Variants in PLCB1 observed in about 807,000 individuals in gnomAD.
PLCB1 encodes phospholipase C beta 1.
In PLCB1, 46 loss-of-function variants were observed where a neutral mutation model predicts 161.8. The ratio of observed to expected loss-of-function variants is 0.28; its 90% CI spans 0.22 to 0.36. PLCB1 has a LOEUF of 0.36. Among genes scored for constraint, PLCB1 ranks in the 10% least tolerant of loss-of-function variants. PLCB1 has a pLI of 1.00. For missense variants in PLCB1, 1,016 were observed against 1,472.5 expected (o/e 0.69, Z 5.07); for synonymous variants, 517 against 503.7 (o/e 1.03, Z -0.35).
intron 3 of PLCB1, among the ~76,000 whole-genome samples, chr20:8,534,966 A>G (rs2122930620): frequency 6.6e-6 from 1 of 152,130 alleles, no homozygotes; most frequent in East Asian, 1.9e-4. Flanking sequence ...GAATTTAAAT[A>G]TAGATTTTCC....
At chr20:8,276,077 G>A (rs1982529791) in intron 2 of PLCB1, among the ~76,000 whole-genome samples, 1 of 152,056 alleles carries the variant, frequency 6.6e-6, no homozygotes, top group African/African-American at 2.4e-5. Flanking sequence ...AAGATGCACT[G>A]TCAAGATTAT....
intron 9 of PLCB1, among the ~76,000 whole-genome samples, chr20:8,678,125 A>G (rs1369602522): frequency 6.6e-6 from 1 of 152,206 alleles, no homozygotes; most frequent in African/African-American, 2.4e-5. Flanking sequence ...ATATATGCAA[A>G]AAATTAAGCA....
At chr20:8,152,783 C>G (rs1195370619) in intron 2 of PLCB1, among the ~76,000 whole-genome samples, 1 of 152,048 alleles carries the variant, frequency 6.6e-6, no homozygotes, top group Non-Finnish European at 1.5e-5. Context: ...CTTTGGTCCA[C>G]GAAGCTTATA....
At chr20:8,151,012 A>T (rs920244167) in intron 2 of PLCB1, among the ~76,000 whole-genome samples, 18 of 152,194 alleles carry the variant, frequency 1.2e-4, no homozygotes, top group Admixed American at 1.0e-3. Flanking sequence ...TGCTGATCAT[A>T]AGATTTATTT....
At chr20:8,315,070 A>T (rs1241990270) in intron 2 of PLCB1, among the ~76,000 whole-genome samples, 8 of 152,170 alleles carry the variant, frequency 5.3e-5, no homozygotes, top group Non-Finnish European at 8.8e-5. Flanking sequence ...AGTGGGGGAG[A>T]GCAAGGCAAG....
intron 31 of PLCB1, among the ~76,000 whole-genome samples, chr20:8,806,489 C>T (rs1242681335): frequency 1.3e-5 from 2 of 152,062 alleles, no homozygotes; most frequent in African/African-American, 4.8e-5. Context: ...CCTCTACTTG[C>T]AAGCCATTCG....
chr20:8,347,775 AT>A (rs994210998), intron 2 of PLCB1, among the ~76,000 whole-genome samples: 9 of 152,266 alleles, frequency 5.9e-5, no homozygotes, highest in African/African-American at 2.2e-4. Context: ...AAGATGATGA[AT>A]TTTTTAAGTT....
At chr20:8,665,639 G>A (rs1336175146) in intron 9 of PLCB1, among the ~76,000 whole-genome samples, 2 of 152,096 alleles carry the variant, frequency 1.3e-5, no homozygotes, top group African/African-American at 2.4e-5. Flanking sequence ...AGTCATAAGT[G>A]TAAGGATGTA....
intron 2 of PLCB1, among the ~76,000 whole-genome samples, chr20:8,178,383 T>C (rs945733855): frequency 2.0e-5 from 3 of 152,170 alleles, no homozygotes; most frequent in Non-Finnish European, 4.4e-5. Flanking sequence ...GATTGGCATT[T>C]CTCTCATGAT....
intron 2 of PLCB1, among the ~76,000 whole-genome samples, chr20:8,189,548 GA>G (rs2051943312): frequency 6.6e-6 from 1 of 151,916 alleles, no homozygotes; most frequent in South Asian, 2.1e-4. Context: ...TTCTACACCT[GA>G]AATGTAGGCG....
intron 2 of PLCB1, among the ~76,000 whole-genome samples, chr20:8,360,322 G>C (rs1042590470): frequency 6.6e-6 from 1 of 152,010 alleles, no homozygotes; most frequent in Non-Finnish European, 1.5e-5. Context: ...GCTGGGGGAT[G>C]GGTGTCTAGC....
intron 3 of PLCB1, among the ~76,000 whole-genome samples, chr20:8,484,639 G>T (rs1208854204): frequency 6.6e-6 from 1 of 152,240 alleles, no homozygotes; most frequent in South Asian, 2.1e-4. Flanking sequence ...ATGAGCCACC[G>T]GCCTGCTAGC....
At chr20:8,671,022 G>A (rs914351137) in intron 9 of PLCB1, among the ~76,000 whole-genome samples, 1 of 152,186 alleles carries the variant, frequency 6.6e-6, no homozygotes, top group Non-Finnish European at 1.5e-5. Context: ...TGAAGATTGA[G>A]CAATGATGAA....
chr20:8,651,770 A>G (rs1004364803), intron 7 of PLCB1: 5 of 384,562 alleles, frequency 1.3e-5, no homozygotes, highest in African/African-American at 4.1e-5. Context: ...CTGGAGAACT[A>G]CTATTGAGAA....
intron 1 of PLCB1, among the ~76,000 whole-genome samples, chr20:8,147,630 A>G (rs2051466707): frequency 6.6e-6 from 1 of 152,204 alleles, no homozygotes. Context: ...CCTACTTTGC[A>G]TGGCAAGAAT....
chr20:8,601,953 C>G (rs557887327), intron 3 of PLCB1, among the ~76,000 whole-genome samples: 1 of 152,288 alleles, frequency 6.6e-6, no homozygotes, highest in South Asian at 2.1e-4. Context: ...CTTTCCCTCC[C>G]TTGCAGCACC....
chr20:8,761,979 G>GGGA (rs1055479071), intron 25 of PLCB1, among the ~76,000 whole-genome samples: 1 of 151,652 alleles, frequency 6.6e-6, no homozygotes, highest in South Asian at 2.1e-4. Flanking sequence ...GAGGCCAAGG[G>GGGA]GGGGGCGGAT....
intron 3 of PLCB1, among the ~76,000 whole-genome samples, chr20:8,393,829 A>C (rs920623030): frequency 6.6e-6 from 1 of 152,192 alleles, no homozygotes; most frequent in Admixed American, 6.5e-5. Flanking sequence ...CACACTTAAT[A>C]AACTAGAACA....
intron 27 of PLCB1, among the ~76,000 whole-genome samples, chr20:8,781,460 C>T (rs1488211534): frequency 6.6e-6 from 1 of 150,576 alleles, no homozygotes; most frequent in East Asian, 2.0e-4. Context: ...AGATCCAAAT[C>T]CATATAGTTT....
Sources: gnomAD v4.1 joint callset for allele counts (sites outside exome capture counted in the v4.1 genomes callset) on GRCh38, gnomAD v4.1.1 for gene constraint, MANE v1.5 for transcripts, NCBI Gene and HGNC (gene_info 2026-07-23, HGNC 2026-07-21) for gene names.